Variants in BTBD8 observed in about 807,000 individuals in gnomAD.
The protein encoded by BTBD8 is BTB/POZ domain-containing protein 8.
A neutral mutation model predicts 162.9 loss-of-function variants in BTBD8; 110 were observed. The ratio of observed to expected loss-of-function variants is 0.68; its 90% CI spans 0.58 to 0.79. BTBD8 has a LOEUF of 0.79. BTBD8 is among the 30% of genes least tolerant of loss of function. BTBD8 has a pLI of 0.00. For synonymous variants in BTBD8, 667 were observed against 716.1 expected, an observed-to-expected ratio of 0.93 and a Z score of 1.10; for missense variants, 1,905 against 2,085.4, an observed-to-expected ratio of 0.91 and a Z score of 1.68.
chr1:92,118,055 G>T (rs1047969753), intron 4 of BTBD8, among the ~76,000 whole-genome samples: 6 of 151,810 alleles, frequency 4.0e-5, no homozygotes, highest in African/African-American at 1.2e-4. Context: ...CAGTATTCTC[G>T]TATACCCCCA....
chr1:92,115,367 G>A (rs1041742578), intron 4 of BTBD8: 5 of 458,588 alleles, frequency 1.1e-5, no homozygotes, highest in African/African-American at 8.0e-5. Context: ...AGACATTGCT[G>A]ATGATCTTGA....
chr1:92,115,400 C>T (rs539749138), intron 4 of BTBD8: 52 of 490,366 alleles, frequency 1.1e-4, no homozygotes, highest in Middle Eastern at 6.8e-4. Context: ...TCTTATGGCT[C>T]ATGCCCATCA....
At chr1:92,145,290 A>G (rs189408327) in intron 7 of BTBD8, among the ~76,000 whole-genome samples, 1 of 152,282 alleles carries the variant, frequency 6.6e-6, no homozygotes, top group African/African-American at 2.4e-5. Context: ...TAATACTAAT[A>G]TAACACTTTT....
chr1:92,152,653 G>A (rs757520555), intron 9 of BTBD8, among the ~76,000 whole-genome samples: 1 of 151,992 alleles, frequency 6.6e-6, no homozygotes, highest in Admixed American at 6.6e-5. Flanking sequence ...TCTTGTTAAC[G>A]AGTTTGATTT....
At chr1:92,096,224 T>A (rs1399885915) in intron 2 of BTBD8, among the ~76,000 whole-genome samples, 1 of 152,086 alleles carries the variant, frequency 6.6e-6, no homozygotes, top group Non-Finnish European at 1.5e-5. Flanking sequence ...CTGCCTCAGC[T>A]TCCCAAAGTG....
At chr1:92,165,339 C>A (rs1303953590) in intron 9 of BTBD8, among the ~76,000 whole-genome samples, 1 of 152,050 alleles carries the variant, frequency 6.6e-6, no homozygotes, top group Non-Finnish European at 1.5e-5. Context: ...ACTCATTGAA[C>A]ATACAGCCCA....
chr1:92,178,402 A>G lies in BTBD8; in HGVS notation c.2532A>G (p.Ala844=). 6.4e-7 allele frequency: 1 copy of G among 1,551,530 alleles called. No individual in the cohort carries two copies. The highest frequency in any genetic ancestry group is 8.7e-7 in the Non-Finnish European group (1 of 1,146,808). The part of the protein sequence containing the change: ...KKRGTSNGCT[A]AQQRTKSTPS... ...GAGGAACTAGCAATGGATGTACTGC[A>G]GCTCAGCAGAGGACAAAGAGTACCC... Residue 844 remains alanine (A), a synonymous_variant, in exon 16 of 18, where the codon GCA becomes GCG. Transcript: ENST00000636805.
In BTBD8 at chr1:92,131,204, T is replaced by C. The variant is rs531542443; in HGVS notation, c.752+1428T>C. 2.6e-5 allele frequency among the ~76,000 whole-genome samples: 4 copies of C among 152,278 alleles called. No homozygotes were observed. The East Asian group carries it at 7.7e-4, about 29-fold the overall frequency. ...ACATTTAGAGACTAGATATACAAAT[T>C]GGCTGTTCAATGGTCTTTATTAAGT... On this transcript the variant is annotated intron_variant, in intron 5 of 17. Transcript: ENST00000636805.
rs1649772881 is a variant in BTBD8 at position 92,141,363 on chromosome 1, T to C, written c.930+152T>C. On this transcript the variant is annotated intron_variant, in intron 7 of 17. Coordinates refer to ENST00000636805, the MANE Select transcript of BTBD8 (RefSeq NM_001376131.1). ...AACTCCAGTTGAGAAATAATTCATATGATCTGCTTGTAAAAATCAGAAACT... is the reference window on the plus strand; with the variant it reads ...AACTCCAGTTGAGAAATAATTCATACGATCTGCTTGTAAAAATCAGAAACT... The C allele has an allele frequency of 3.4e-6, 3 of 889,760 alleles. No homozygotes were observed. In the East Asian group the frequency reaches 1.1e-4, roughly 33 times the overall value. 55.1% of individuals were successfully genotyped at this position (889,760 alleles called of 1,614,324 possible). A position where few individuals can be genotyped will look rare whatever the true frequency, so the allele number is the denominator to read the frequency against.
At chr1:92,151,984 C>T (rs1389312715) in intron 9 of BTBD8, among the ~76,000 whole-genome samples, 1 of 152,046 alleles carries the variant, frequency 6.6e-6, no homozygotes, top group African/African-American at 2.4e-5. Flanking sequence ...TAGAGCTCCA[C>T]AAAATACTTT....
chr1:92,158,173 GT>G (rs1196758761), intron 9 of BTBD8, among the ~76,000 whole-genome samples: 1 of 151,928 alleles, frequency 6.6e-6, no homozygotes, highest in Non-Finnish European at 1.5e-5. Context: ...ATTGGATCTT[GT>G]TTTTTAATCC....
At chr1:92,128,912 T>C (rs1649435735) in intron 4 of BTBD8, among the ~76,000 whole-genome samples, 1 of 152,064 alleles carries the variant, frequency 6.6e-6, no homozygotes, top group South Asian at 2.1e-4. Context: ...AGGTTTTTTG[T>C]TTTTTGGTTT....
intron 13 of BTBD8, among the ~76,000 whole-genome samples, chr1:92,174,255 A>G (rs1333314298): frequency 6.6e-6 from 1 of 152,128 alleles, no homozygotes; most frequent in Non-Finnish European, 1.5e-5. Context: ...GAGTGACACA[A>G]TCACAACTCA....
intron 6 of BTBD8, chr1:92,139,643 A>G: frequency 2.1e-6 from 2 of 972,938 alleles, no homozygotes; most frequent in Non-Finnish European, 2.5e-6. Flanking sequence ...AAGATTGAGA[A>G]CAGTCTTTAT....
intron 3 of BTBD8, among the ~76,000 whole-genome samples, chr1:92,107,369 A>G (rs1432697156): frequency 6.6e-6 from 1 of 152,226 alleles, no homozygotes; most frequent in Non-Finnish European, 1.5e-5. Context: ...TGGACCACAT[A>G]TATGACAAAG....
chr1:92,135,888 G>T (rs1649622014), intron 5 of BTBD8, among the ~76,000 whole-genome samples: 1 of 152,072 alleles, frequency 6.6e-6, no homozygotes, highest in Admixed American at 6.5e-5. Context: ...TCTTATTAAT[G>T]TTGATAAGAA....
chr1:92,109,367 A>G (rs1175745294), intron 4 of BTBD8, among the ~76,000 whole-genome samples: 1 of 151,752 alleles, frequency 6.6e-6, no homozygotes, highest in East Asian at 1.9e-4. Context: ...CCCTATAGCT[A>G]TTGCTGTCAT....
intron 3 of BTBD8, among the ~76,000 whole-genome samples, chr1:92,106,689 A>AAAAAG (rs1648738027): frequency 1.2e-4 from 17 of 147,450 alleles, no homozygotes; most frequent in South Asian, 2.2e-4. Context: ...AAAAAAAAAA[A>AAAAAG]GTGTAGTCCT....
intron 1 of BTBD8, among the ~76,000 whole-genome samples, chr1:92,082,669 C>T (rs1042670250): frequency 2.0e-5 from 3 of 152,116 alleles, no homozygotes; most frequent in African/African-American, 7.2e-5. Context: ...TAGTAAGGAA[C>T]AGAGACACTC....
Sources: gnomAD v4.1 joint callset for allele counts (sites outside exome capture counted in the v4.1 genomes callset) on GRCh38, gnomAD v4.1.1 for gene constraint, MANE v1.5 for transcripts, NCBI Gene and HGNC (gene_info 2026-07-23, HGNC 2026-07-21) for gene names.